SPAM1: variants seen among roughly 807,000 people sequenced by gnomAD.
The protein encoded by SPAM1 is sperm adhesion molecule 1, also known as hyaluronidase PH-20.
In SPAM1, 22 loss-of-function variants were observed where a neutral mutation model predicts 29.6. The ratio of observed to expected loss-of-function variants is 0.74; its 90% confidence interval spans 0.53 to 1.06. SPAM1 has a LOEUF of 1.06. Ranked by LOEUF, SPAM1 falls within the 50% of genes least tolerant of loss-of-function variation. SPAM1 has a pLI of 0.00. For missense variants in SPAM1, 534 were observed against 604.0 expected (o/e 0.88, Z 1.21); for synonymous variants, 194 against 204.6 (o/e 0.95, Z 0.44).
downstream of SPAM1, among the ~76,000 whole-genome samples, chr7:123,962,091 T>C (rs1792367049): frequency 6.6e-6 from 1 of 152,012 alleles, no homozygotes; most frequent in Admixed American, 6.6e-5. Flanking sequence ...TTTTTAGTTT[T>C]CTAAGAAACC....
At chr7:123,945,519 CAA>C (rs1808549785) in intron 1 of SPAM1, among the ~76,000 whole-genome samples, 1 of 152,058 alleles carries the variant, frequency 6.6e-6, no homozygotes, top group African/African-American at 2.4e-5. Context: ...CCTCTAAAGC[CAA>C]AGAGGTCAGG....
chr7:123,953,369 A>T lies in SPAM1; in HGVS notation c.-202A>T, dbSNP rs1225373774. On this transcript the variant is annotated 5_prime_UTR_variant, in exon 3 of 5. Coordinates refer to ENST00000682466, the MANE Select transcript of SPAM1 (RefSeq NM_153189.3). ...TATTCTGTATTTCTTTTTCAGTTATAGGTGATGCAACTTGAAAAACAATCC... is the reference window on the plus strand; with the variant it reads ...TATTCTGTATTTCTTTTTCAGTTATTGGTGATGCAACTTGAAAAACAATCC... The T allele has an allele frequency of 2.1e-6, 1 of 466,204 alleles. No individual in the cohort carries two copies. The allele number at this position is 466,204 out of a possible 1,614,324, so 28.9% of individuals were successfully genotyped here. A position where few individuals can be genotyped will look rare whatever the true frequency, so the allele number is the denominator to read the frequency against.
chr7:123,961,510 T>C (rs777253839), downstream of SPAM1, among the ~76,000 whole-genome samples: 17 of 152,004 alleles, frequency 1.1e-4, no homozygotes, highest in Non-Finnish European at 1.5e-4. Context: ...CCATTTTTCT[T>C]ATGACTGAGT....
At chr7:123,945,619 A>C (rs1365017655) in intron 1 of SPAM1, among the ~76,000 whole-genome samples, 3 of 152,148 alleles carry the variant, frequency 2.0e-5, no homozygotes, top group Admixed American at 6.5e-5. Context: ...AGAACACCCC[A>C]AAAAGGGGCA....
At chr7:123,954,567 A>G (rs1189340524) in intron 3 of SPAM1, 43 bp downstream of exon 3, 1 of 1,277,488 alleles carries the variant, frequency 7.8e-7, no homozygotes, top group African/African-American at 1.5e-5. Context: ...GAAATTCACA[A>G]AAGATGTTGA....
rs955038973 is a variant in SPAM1, at chr7:123,953,967, T to A, written c.397T>A (p.Phe133Ile). 1.2e-6 allele frequency: 2 copies of A among 1,613,770 alleles called. No homozygotes were observed. Among genetic ancestry groups the A allele is most frequent in the Non-Finnish European group, 8.5e-7 (1 of 1,179,822 alleles). Residue 133 changes from phenylalanine (F) to isoleucine (I), a missense_variant, in exon 3 of 5, where the codon TTT becomes ATT. By Grantham distance (21) the Phe-to-Ile change is conservative (BLOSUM62 0). Coordinates refer to ENST00000682466, the MANE Select transcript of SPAM1 (RefSeq NM_153189.3). ...HLDKAKKDITFYMPVDNLGMA... is the reference protein window; with the variant it reads ...HLDKAKKDITIYMPVDNLGMA... Reference sequence around the variant, plus strand: ...GGACAAAGCTAAGAAAGACATTACATTTTATATGCCAGTAGACAATTTGGG... The same window carrying A: ...GGACAAAGCTAAGAAAGACATTACAATTTATATGCCAGTAGACAATTTGGG...
In SPAM1 at chr7:123,954,482, C is replaced by A. The variant is rs1336915077; in HGVS notation, c.912C>A (p.Thr304=). The A allele has an allele frequency of 6.2e-7, 1 of 1,611,430 alleles. No homozygotes were observed. Among genetic ancestry groups the A allele is most frequent in the Non-Finnish European group, 8.5e-7 (1 of 1,178,224 alleles). The change falls in exon 3 of 5, where the codon ACC becomes ACA. Residue 304 remains threonine, a synonymous_variant. Coordinates refer to ENST00000682466, the MANE Select transcript of SPAM1 (RefSeq NM_153189.3). The part of the protein sequence containing the change: ...AKSPLPVFAY[T]RIVFTDQVLK... ...GTCCACTTCCGGTTTTTGCATATACCCGCATAGTTTTTACTGATCAAGTTT... is the reference window on the plus strand; with the variant it reads ...GTCCACTTCCGGTTTTTGCATATACACGCATAGTTTTTACTGATCAAGTTT...
Position 123,931,595 on chromosome 7 carries a change from A to G in SPAM1, c.-319+6243A>G, listed in dbSNP as rs575750353. Reference sequence around the variant, plus strand: ...ATACTTTGCTGAACTGAAGCGTAAAAATAGACAATTTCCCCTCTGTCTTTG... The same window carrying G: ...ATACTTTGCTGAACTGAAGCGTAAAGATAGACAATTTCCCCTCTGTCTTTG... On this transcript the variant is annotated intron_variant, in intron 1 of 4. Transcript: ENST00000682466. Among the ~76,000 whole-genome samples the G allele has an allele frequency of 5.9e-5, 9 of 152,340 alleles. No homozygotes were observed. The East Asian group carries it at 1.7e-3, about 29-fold the overall frequency.
At chr7:123,947,553 G>A (rs1418027777) in intron 1 of SPAM1, 1 of 149,592 alleles carries the variant, frequency 6.7e-6, no homozygotes, top group Non-Finnish European at 1.5e-5. Context: ...GTGTCTCAAA[G>A]ATTGAATTTG....
chr7:123,941,845 T>G (rs761601700), intron 1 of SPAM1, among the ~76,000 whole-genome samples: 3 of 152,188 alleles, frequency 2.0e-5, no homozygotes, highest in Non-Finnish European at 4.4e-5. Flanking sequence ...TGTCAGGTTT[T>G]GTCTCATCCC....
Position 123,953,549 on chromosome 7 carries a change from T to A in SPAM1, c.-22T>A, listed in dbSNP as rs762139803. ...AAGTGTGTAGGAAGAAATAAATGTT[T>A]TCATAGTCATTACTCTTTACAATGG... On this transcript the variant is annotated 5_prime_UTR_variant, in exon 3 of 5. Coordinates refer to ENST00000682466, the MANE Select transcript of SPAM1 (RefSeq NM_153189.3). 6.8e-7 allele frequency: 1 copy of A among 1,479,956 alleles called. No individual in the cohort carries two copies. The highest frequency in any genetic ancestry group is 2.0e-5 in the Admixed American group (1 of 48,836). The allele number at this position is 1,479,956 out of a possible 1,614,324, so 91.7% of individuals were successfully genotyped here.
At position 123,953,910 on chromosome 7, in the gene SPAM1, A is replaced by C; in HGVS notation, c.340A>C (p.Ile114Leu). Reference protein sequence around the residue: ...SITGVTVNGGIPQKISLQDHL... With the variant: ...SITGVTVNGGLPQKISLQDHL... ...CACAGGAGTAACTGTGAATGGAGGA[A>C]TCCCCCAGAAGATTTCCTTACAAGA... The change falls in exon 3 of 5, where the codon ATC becomes CTC. Residue 114 changes from isoleucine (I) to leucine (L), a missense_variant. By Grantham distance (5) the Ile-to-Leu change is conservative (BLOSUM62 2). Transcript: ENST00000682466. The C allele has an allele frequency of 6.2e-7, 1 of 1,613,758 alleles. No homozygotes were observed. Among genetic ancestry groups the C allele is most frequent in the Non-Finnish European group, 8.5e-7 (1 of 1,179,810 alleles).
At chr7:123,966,207 A>C (rs1037368346) in intron 5 of SPAM1, among the ~76,000 whole-genome samples, 1 of 152,158 alleles carries the variant, frequency 6.6e-6, no homozygotes, top group Non-Finnish European at 1.5e-5. Context: ...ACGAAAATCA[A>C]AACCACAATG....
Position 123,941,669 on chromosome 7 carries a change from A to C in SPAM1, c.-318-8203A>C, listed in dbSNP as rs555999100. Among the ~76,000 whole-genome samples, 97 of 152,312 alleles carry C rather than the reference A, an allele frequency of 6.4e-4. 1 individual carries two copies. Among genetic ancestry groups the C allele is most frequent in the African/African-American group, 2.3e-3 (94 of 41,570 alleles). On this transcript the variant is annotated intron_variant, in intron 1 of 4. Transcript: ENST00000682466. ...AGCTTTTTACCTTTGTATCTAGCTC[A>C]TTTAGGAATAAAATGGGAAGCAGGT...
At chr7:123,933,255 G>C (rs948137571) in intron 1 of SPAM1, among the ~76,000 whole-genome samples, 1 of 151,780 alleles carries the variant, frequency 6.6e-6, no homozygotes, top group African/African-American at 2.4e-5. Flanking sequence ...GGTGTGTGAT[G>C]TTCCCCTCCC....
chr7:123,929,895 A>ATTT (rs71163712), intron 1 of SPAM1, among the ~76,000 whole-genome samples: 2 of 119,808 alleles, frequency 1.7e-5, no homozygotes, highest in African/African-American at 3.1e-5. Flanking sequence ...GTGTTTAGGG[A>ATTT]TTTTTTTTTT....
chr7:123,944,630 T>C (rs1208759521), intron 1 of SPAM1, among the ~76,000 whole-genome samples: 1 of 152,128 alleles, frequency 6.6e-6, no homozygotes, highest in Non-Finnish European at 1.5e-5. Flanking sequence ...TAGGAGGTGC[T>C]TCCTGAGCAA....
chr7:123,930,230 C>G (rs1425238831), intron 1 of SPAM1, among the ~76,000 whole-genome samples: 1 of 152,072 alleles, frequency 6.6e-6, no homozygotes, highest in Non-Finnish European at 1.5e-5. Flanking sequence ...TGAGAGTTCT[C>G]TAAAAATCTT....
chr7:123,931,031 G>A (rs1298942361), intron 1 of SPAM1, among the ~76,000 whole-genome samples: 2 of 151,978 alleles, frequency 1.3e-5, no homozygotes, highest in African/African-American at 2.4e-5. Flanking sequence ...TCTCAACTGC[G>A]TCTGCCATAC....
Sources: allele counts gnomAD v4.1 joint callset (sites outside exome capture counted in the v4.1 genomes callset), GRCh38; gene constraint gnomAD v4.1.1; transcripts MANE v1.5; gene names NCBI Gene and HGNC (gene_info 2026-07-23, HGNC 2026-07-21).